Variants in PRIM2 observed in about 807,000 individuals in gnomAD.
The protein encoded by PRIM2 is DNA primase subunit 2, also known as DNA primase large subunit.
Under a neutral mutation model 67.3 loss-of-function variants are expected in PRIM2, and 39 were observed. The ratio of observed to expected loss-of-function variants is 0.58; its 90% CI spans 0.45 to 0.76. The LOEUF (loss-of-function observed/expected upper bound fraction) is 0.76, where lower values mean the gene tolerates loss of function less well. Ranked by LOEUF, PRIM2 falls within the 30% of genes least tolerant of loss-of-function variation. The pLI, the probability that PRIM2 is intolerant of heterozygous loss-of-function variation, is 0.00. For missense variants in PRIM2, 398 were observed against 598.7 expected (o/e 0.66, Z 3.50); for synonymous variants, 143 against 198.7 (o/e 0.72, Z 2.36).
intron 7 of PRIM2, among the ~76,000 whole-genome samples, chr6:57,427,392 C>T (rs537077740): frequency 6.6e-6 from 1 of 152,286 alleles, no homozygotes; most frequent in Admixed American, 6.5e-5. Flanking sequence ...GATCTCAGCT[C>T]ACTTCAACCT....
chr6:57,527,197 C>T (rs1342813313), intron 8 of PRIM2, among the ~76,000 whole-genome samples: 1 of 152,066 alleles, frequency 6.6e-6, no homozygotes, highest in Non-Finnish European at 1.5e-5. Context: ...AAACCATTCA[C>T]CTGGAAACAT....
At chr6:57,366,508 G>A (rs573847094) in intron 5 of PRIM2, among the ~76,000 whole-genome samples, 184 of 152,252 alleles carry the variant, frequency 1.2e-3, no homozygotes, top group African/African-American at 4.1e-3. Context: ...TGCTGTGATC[G>A]TGGGAGTGGG....
At chr6:57,630,956 T>C (rs1460314222) in intron 12 of PRIM2, among the ~76,000 whole-genome samples, 1 of 152,214 alleles carries the variant, frequency 6.6e-6, no homozygotes, top group African/African-American at 2.4e-5. Flanking sequence ...ATAGTCAGAC[T>C]GGCAGAAACC....
intron 8 of PRIM2, among the ~76,000 whole-genome samples, chr6:57,524,707 A>T (rs1380991657): frequency 7.0e-6 from 1 of 143,390 alleles, no homozygotes; most frequent in East Asian, 2.0e-4. Flanking sequence ...GTCTCAAATT[A>T]AAAAAAAAAA....
At chr6:57,598,783 G>A (rs1217043048) in intron 10 of PRIM2, among the ~76,000 whole-genome samples, 3 of 150,356 alleles carry the variant, frequency 2.0e-5, no homozygotes, top group African/African-American at 7.4e-5. Context: ...CTTGAGCCCA[G>A]GAGTTCTATG....
At chr6:57,521,039 T>G (rs1414292804) in intron 8 of PRIM2, among the ~76,000 whole-genome samples, 1 of 152,192 alleles carries the variant, frequency 6.6e-6, no homozygotes, top group Non-Finnish European at 1.5e-5. Flanking sequence ...TTGAATAAAA[T>G]TTATGCTTGT....
At chr6:57,381,704 A>G (rs1161749710) in intron 6 of PRIM2, among the ~76,000 whole-genome samples, 10 of 152,212 alleles carry the variant, frequency 6.6e-5, no homozygotes, top group Admixed American at 2.0e-4. Flanking sequence ...GGTGAATGCA[A>G]CATGTGTAGA....
intron 3 of PRIM2, among the ~76,000 whole-genome samples, chr6:57,321,255 T>G (rs1767645569): frequency 6.6e-6 from 1 of 151,962 alleles, no homozygotes; most frequent in African/African-American, 2.4e-5. Flanking sequence ...GTTAGGAAAA[T>G]TAGTGGATGG....
chr6:57,484,279 G>A (rs1479370379), intron 7 of PRIM2, among the ~76,000 whole-genome samples: 1 of 152,218 alleles, frequency 6.6e-6, no homozygotes, highest in African/African-American at 2.4e-5. Context: ...TCTAAAGCCT[G>A]ATGCAGGACA....
At chr6:57,420,887 G>A (rs1771439997) in intron 7 of PRIM2, among the ~76,000 whole-genome samples, 1 of 152,196 alleles carries the variant, frequency 6.6e-6, no homozygotes, top group Admixed American at 6.5e-5. Context: ...GCATGTAATT[G>A]GAAATGTAAT....
the PRIM2 span, among the ~76,000 whole-genome samples, chr6:57,288,453 C>T: frequency 6.6e-6 from 1 of 152,158 alleles, no homozygotes; most frequent in Non-Finnish European, 1.5e-5. Context: ...GTTCTCCCGG[C>T]ACAGCGTTCA....
chr6:57,590,793 AT>A (rs1776270032), intron 10 of PRIM2, among the ~76,000 whole-genome samples: 2 of 152,192 alleles, frequency 1.3e-5, no homozygotes, highest in Admixed American at 1.3e-4. Flanking sequence ...CAAGGAGAGC[AT>A]TTTATCACTG....
At chr6:57,483,582 G>C (rs1773680507) in intron 7 of PRIM2, among the ~76,000 whole-genome samples, 2 of 152,164 alleles carry the variant, frequency 1.3e-5, no homozygotes, top group South Asian at 4.2e-4. Flanking sequence ...AGGAGTAGAT[G>C]AAACGGTCAC....
At chr6:57,355,965 A>C (rs1581822823) in intron 5 of PRIM2, among the ~76,000 whole-genome samples, 1 of 152,172 alleles carries the variant, frequency 6.6e-6, no homozygotes, top group East Asian at 1.9e-4. Flanking sequence ...TTCTAATCCA[A>C]GTTAGAAACA....
At chr6:57,586,206 A>G (rs1267923228) in intron 10 of PRIM2, among the ~76,000 whole-genome samples, 3 of 152,238 alleles carry the variant, frequency 2.0e-5, no homozygotes, top group Non-Finnish European at 2.9e-5. Context: ...GTAACAGCTA[A>G]TAGGTTTGAG....
intron 13 of PRIM2, 106 bp from the exon 14 acceptor site, chr6:57,645,822 A>C: frequency 1.6e-6 from 1 of 638,686 alleles, no homozygotes. Flanking sequence ...GCTAGAATCC[A>C]TGTTTCAGGT....
At chr6:57,507,143 T>G (rs1774266946) in intron 7 of PRIM2, among the ~76,000 whole-genome samples, 1 of 152,130 alleles carries the variant, frequency 6.6e-6, no homozygotes, top group Admixed American at 6.5e-5. Context: ...TCTGTTTTGC[T>G]CACCTTTTTC....
rs530954836 is a variant in PRIM2 at position 57,377,135 on chromosome 6, G to A, written c.460-2766G>A. Among the ~76,000 whole-genome samples, 743 of 150,804 alleles carry A rather than the reference G, an allele frequency of 4.9e-3. 9 individuals carry two copies. Among genetic ancestry groups the A allele is most frequent in the African/African-American group, 0.017 (704 of 41,026 alleles). ...AAACTCCTGACCTCATGATCCACCC[G>A]CCTCAGCCTCCTGAAGTGCTGGGAT... On this transcript the variant is annotated intron_variant, in intron 5 of 13. Coordinates refer to ENST00000615550, the MANE Select transcript of PRIM2 (RefSeq NM_000947.5).
At chr6:57,508,732 T>C (rs1332752946) in intron 8 of PRIM2, among the ~76,000 whole-genome samples, 1 of 152,214 alleles carries the variant, frequency 6.6e-6, no homozygotes, top group Non-Finnish European at 1.5e-5. Flanking sequence ...ATTGTGATCC[T>C]GTGCATTTTG....
Sources: allele counts gnomAD v4.1 joint callset (sites outside exome capture counted in the v4.1 genomes callset), GRCh38; gene constraint gnomAD v4.1.1; transcripts MANE v1.5; gene names NCBI Gene and HGNC (gene_info 2026-07-23, HGNC 2026-07-21).